The following UGT2A1 variants were observed in gnomAD, a reference collection of about 807,000 sequenced individuals.
UGT2A1 encodes the protein UDP-glucuronosyltransferase 2A1.
A neutral mutation model predicts 45.4 loss-of-function variants in UGT2A1; 61 were observed. The observed-to-expected ratio is 1.34, with a 90% CI of 1.09 to 1.66. UGT2A1 has a LOEUF of 1.66. Ranked by LOEUF, UGT2A1 falls within the 40% of genes most tolerant of loss-of-function variation. The pLI, the probability that UGT2A1 is intolerant of heterozygous loss-of-function variation, is 0.00. For synonymous variants in UGT2A1, 229 were observed against 196.2 expected, an observed-to-expected ratio of 1.17 and a Z score of -1.40; for missense variants, 649 against 574.3, an observed-to-expected ratio of 1.13 and a Z score of -1.33.
chr4:69,628,177 G>A (rs1470700526), intron 3 of UGT2A1, among the ~76,000 whole-genome samples: 1 of 151,804 alleles, frequency 6.6e-6, no homozygotes, highest in African/African-American at 2.4e-5. Flanking sequence ...GCATCAAAAT[G>A]TCCATGTTAC....
chr4:69,592,646 A>G (rs973921435), intron 6 of UGT2A1, among the ~76,000 whole-genome samples: 2 of 152,140 alleles, frequency 1.3e-5, no homozygotes, highest in Admixed American at 6.5e-5. Context: ...GAACTATTGG[A>G]GGCAATCTCA....
At chr4:69,643,811 G>A (rs373396088) in intron 2 of UGT2A1, among the ~76,000 whole-genome samples, 6 of 151,548 alleles carry the variant, frequency 4.0e-5, no homozygotes, top group Admixed American at 1.3e-4. Context: ...TTGTTGCAAT[G>A]ATTTCATTAA....
At chr4:69,651,559 G>T (rs2109985264) in intron 1 of UGT2A1, among the ~76,000 whole-genome samples, 1 of 152,240 alleles carries the variant, frequency 6.6e-6, no homozygotes, top group South Asian at 2.1e-4. Context: ...GCTTAATTGT[G>T]TTACAGGTAA....
intron 6 of UGT2A1, among the ~76,000 whole-genome samples, chr4:69,591,530 T>C (rs1160431405): frequency 6.6e-6 from 1 of 152,044 alleles, no homozygotes; most frequent in Non-Finnish European, 1.5e-5. Flanking sequence ...AGAGAATAGG[T>C]TGTGAAACGT....
intron 2 of UGT2A1, among the ~76,000 whole-genome samples, chr4:69,642,692 C>T (rs1722099901): frequency 6.6e-6 from 1 of 151,500 alleles, no homozygotes; most frequent in Non-Finnish European, 1.5e-5. Context: ...ATTTACTAGA[C>T]TTGCTAAAGT....
At chr4:69,638,682 T>G (rs1721860929) in intron 2 of UGT2A1, among the ~76,000 whole-genome samples, 1 of 152,160 alleles carries the variant, frequency 6.6e-6, no homozygotes, top group African/African-American at 2.4e-5. Context: ...GACACAAAGT[T>G]GTTTGCATTA....
At chr4:69,597,135 C>A (rs1311251886) in intron 4 of UGT2A1, among the ~76,000 whole-genome samples, 1 of 152,146 alleles carries the variant, frequency 6.6e-6, no homozygotes, top group Non-Finnish European at 1.5e-5. Flanking sequence ...TCCTGTTAAG[C>A]ATTCAAGATC....
At chr4:69,643,468 T>C (rs112944452) in intron 2 of UGT2A1, among the ~76,000 whole-genome samples, 4,853 of 151,716 alleles carry the variant, frequency 0.032, 249 homozygotes, top group African/African-American at 0.11. Context: ...AATATTCTTT[T>C]CTGTGTTACA....
chr4:69,612,907 G>GA (rs34670944), intron 3 of UGT2A1, among the ~76,000 whole-genome samples: 86,301 of 139,844 alleles, frequency 0.62, 26,552 homozygotes, highest in East Asian at 0.77. Flanking sequence ...AACCTCTGCA[G>GA]AAAAAAAAAA....
At chr4:69,626,953 G>A (rs1278789750) in intron 3 of UGT2A1, among the ~76,000 whole-genome samples, 1 of 151,534 alleles carries the variant, frequency 6.6e-6, no homozygotes, top group Non-Finnish European at 1.5e-5. Context: ...GTTTAGACTC[G>A]ACTTCTGTTT....
At chr4:69,631,193 T>C (rs1454346039) in intron 3 of UGT2A1, among the ~76,000 whole-genome samples, 1 of 152,160 alleles carries the variant, frequency 6.6e-6, no homozygotes, top group East Asian at 1.9e-4. Flanking sequence ...GAGTGAATCC[T>C]AGAATCACAA....
chr4:69,623,650 C>A (rs1420863209), intron 3 of UGT2A1, among the ~76,000 whole-genome samples: 1 of 150,858 alleles, frequency 6.6e-6, no homozygotes, highest in Non-Finnish European at 1.5e-5. Flanking sequence ...AAATGAGCAG[C>A]CAAGGTATAA....
chr4:69,615,538 G>A (rs1720328274), intron 3 of UGT2A1, among the ~76,000 whole-genome samples: 1 of 152,114 alleles, frequency 6.6e-6, no homozygotes. Context: ...AAAAGAATGA[G>A]TAATCAAAAA....
chr4:69,621,491 A>T (rs7657761), intron 3 of UGT2A1, among the ~76,000 whole-genome samples: 53,394 of 151,670 alleles, frequency 0.35, 9,740 homozygotes, highest in African/African-American at 0.43. Context: ...ATTAAAAAGT[A>T]AAAAAAATAA....
At chr4:69,601,344 CAGAA>C (rs1719277734) in intron 3 of UGT2A1, among the ~76,000 whole-genome samples, 1 of 152,124 alleles carries the variant, frequency 6.6e-6, no homozygotes, top group African/African-American at 2.4e-5. Context: ...GGTGGCTTAA[CAGAA>C]AGGACAGAGA....
At chr4:69,645,505 T>A (rs901541019) in intron 2 of UGT2A1, among the ~76,000 whole-genome samples, 2 of 151,690 alleles carry the variant, frequency 1.3e-5, no homozygotes, top group African/African-American at 2.4e-5. Flanking sequence ...AAGCACCTGC[T>A]CTCCCAATTG....
At chr4:69,599,689 TAAAG>T (rs199964645) in intron 3 of UGT2A1, 26,334 of 210,814 alleles carry the variant, frequency 0.12, 2,335 homozygotes, top group Non-Finnish European at 0.16. Context: ...GAGGTAGAAA[TAAAG>T]AAAGAGAGAG....
In UGT2A1 at chr4:69,589,006, T is replaced by C. The variant is rs115247793; in HGVS notation, c.*366A>G. The C allele has an allele frequency of 3.8e-3, 673 of 177,288 alleles. 7 individuals carry two copies. The highest frequency in any genetic ancestry group is 0.013 in the African/African-American group (549 of 41,924). 11.0% of individuals were successfully genotyped at this position (177,288 alleles called of 1,614,324 possible). ...CACCTATCAAATTCCATCTACACTGTATGCATTACCAGGATTCAGCATATT... is the reference window on the plus strand; with the variant it reads ...CACCTATCAAATTCCATCTACACTGCATGCATTACCAGGATTCAGCATATT... On this transcript the variant is annotated 3_prime_UTR_variant, in exon 7 of 7. Coordinates refer to ENST00000286604, the MANE Select transcript of UGT2A1 (RefSeq NM_001252275.3).
chr4:69,626,116 T>G (rs1001474332), intron 3 of UGT2A1, among the ~76,000 whole-genome samples: 1 of 151,482 alleles, frequency 6.6e-6, no homozygotes. Context: ...ACTTCATAAC[T>G]TTTTTTTCTG....
Sources: gnomAD v4.1 joint callset for allele counts (sites outside exome capture counted in the v4.1 genomes callset) on GRCh38, gnomAD v4.1.1 for gene constraint, MANE v1.5 for transcripts, NCBI Gene and HGNC (gene_info 2026-07-23, HGNC 2026-07-21) for gene names.